The following ARHGEF4 variants were observed in gnomAD, a reference collection of about 807,000 sequenced individuals.
ARHGEF4 encodes the protein APC-stimulated guanine nucleotide exchange factor 1.
Under a neutral mutation model 162.0 loss-of-function variants are expected in ARHGEF4, and 119 were observed. That is an observed-to-expected ratio of 0.73 (90% CI 0.63 to 0.86). The LOEUF (loss-of-function observed/expected upper bound fraction) is 0.86, where lower values mean the gene tolerates loss of function less well. Among genes scored for constraint, ARHGEF4 ranks in the 40% least tolerant of loss-of-function variants. The pLI, the probability that ARHGEF4 is intolerant of heterozygous loss-of-function variation, is 0.00. For synonymous variants in ARHGEF4, 1,014 were observed against 979.9 expected (o/e 1.03, Z -0.65); for missense variants, 2,488 against 2,456.0 (o/e 1.01, Z -0.28).
chr2:130,983,901 G>A (rs1024787212), intron 4 of ARHGEF4, among the ~76,000 whole-genome samples: 4 of 152,040 alleles, frequency 2.6e-5, no homozygotes, highest in Non-Finnish European at 5.9e-5. Flanking sequence ...TGCCCGCTTC[G>A]GCCTCCCAAA....
rs1387415421 is a variant in ARHGEF4 at position 131,035,605 on chromosome 2, G to T, written c.4126-3248G>T. On this transcript the variant is annotated intron_variant, in intron 5 of 13. Transcript: ENST00000409359. Reference sequence around the variant, plus strand: ...AACGGAGTGCATGTGACCGCTGGGTGAGCGACCCGCGCTTGCATCTGTGTA... The same window carrying T: ...AACGGAGTGCATGTGACCGCTGGGTTAGCGACCCGCGCTTGCATCTGTGTA... The T allele has an allele frequency of 1.4e-5, 14 of 968,756 alleles. No homozygotes were observed. The African/African-American group carries it at 2.4e-4, about 17-fold the overall frequency. The allele number at this position is 968,756 out of a possible 1,614,324, so 60.0% of individuals were successfully genotyped here.
intron 1 of ARHGEF4, among the ~76,000 whole-genome samples, chr2:130,908,662 C>T (rs142993135): frequency 4.9e-4 from 74 of 151,700 alleles, no homozygotes; most frequent in Middle Eastern, 3.4e-3. Flanking sequence ...GGCGACAGTG[C>T]GAGCTCCATC....
chr2:130,963,739 G>A (rs1477436226), intron 4 of ARHGEF4: 2 of 146,898 alleles, frequency 1.4e-5, no homozygotes, highest in African/African-American at 2.4e-5. Context: ...CCGGGCGGCC[G>A]GTAGTGGGCA....
Position 130,974,757 on chromosome 2 carries a change from C to T in ARHGEF4, c.3985+28122C>T, listed in dbSNP as rs375396184. Reference sequence around the variant, plus strand: ...GATTACAAGTGTGAGCTACTGCACCCGGCAACTTTTTTGAGTAAGAAATTT... The same window carrying T: ...GATTACAAGTGTGAGCTACTGCACCTGGCAACTTTTTTGAGTAAGAAATTT... On this transcript the variant is annotated intron_variant, in intron 4 of 13. Transcript: ENST00000409359. Among the ~76,000 whole-genome samples, 145 of 152,154 alleles carry T rather than the reference C, an allele frequency of 9.5e-4. 1 individual carries two copies. Among genetic ancestry groups the T allele is most frequent in the African/African-American group, 3.1e-3 (130 of 41,496 alleles).
At chr2:131,027,901 T>G (rs1689583146) in intron 4 of ARHGEF4, 44 bp from the exon 5 acceptor site, 1 of 1,610,198 alleles carries the variant, frequency 6.2e-7, no homozygotes, top group Non-Finnish European at 8.5e-7. Flanking sequence ...CCTCAGCCCT[T>G]CCCAGCCCAG....
At chr2:131,023,601 C>T (rs1689286847) in intron 4 of ARHGEF4, among the ~76,000 whole-genome samples, 1 of 152,114 alleles carries the variant, frequency 6.6e-6, no homozygotes, top group Non-Finnish European at 1.5e-5. Flanking sequence ...AAAATAGTGA[C>T]AATACCAAAT....
chr2:130,882,514 G>A (rs904411776), intron 1 of ARHGEF4, among the ~76,000 whole-genome samples: 1 of 151,854 alleles, frequency 6.6e-6, no homozygotes, highest in African/African-American at 2.4e-5. Context: ...ACTCATGAGG[G>A]CGACACCCTC....
intron 2 of ARHGEF4, among the ~76,000 whole-genome samples, chr2:130,927,771 C>T (rs1030606487): frequency 2.0e-5 from 3 of 152,180 alleles, no homozygotes; most frequent in Non-Finnish European, 4.4e-5. Flanking sequence ...AGCTGGTCTA[C>T]TTTCTTCTCG....
intron 1 of ARHGEF4, among the ~76,000 whole-genome samples, chr2:130,848,396 G>A (rs982832868): frequency 1.3e-5 from 2 of 152,234 alleles, no homozygotes; most frequent in African/African-American, 4.8e-5. Flanking sequence ...TGCCAGGGAG[G>A]TCAGGCCATG....
chr2:130,850,729 C>G (rs767089268), intron 1 of ARHGEF4, among the ~76,000 whole-genome samples: 2 of 152,216 alleles, frequency 1.3e-5, no homozygotes, highest in Non-Finnish European at 2.9e-5. Context: ...GGGCCTCCCT[C>G]GGTAGACAGG....
chr2:131,023,276 C>T (rs12691865), intron 4 of ARHGEF4, among the ~76,000 whole-genome samples: 147,855 of 151,910 alleles, frequency 0.97, 72,024 homozygotes, highest in East Asian at 0.99. Context: ...GAAAGTTTTT[C>T]CAGAAAATTA....
intron 4 of ARHGEF4, among the ~76,000 whole-genome samples, chr2:130,966,388 G>A (rs1685005210): frequency 6.6e-6 from 1 of 152,182 alleles, no homozygotes; most frequent in South Asian, 2.1e-4. Flanking sequence ...GCGGAAACAG[G>A]CACTCAAATA....
At chr2:130,958,462 T>A (rs887816128) in intron 4 of ARHGEF4, among the ~76,000 whole-genome samples, 4 of 149,928 alleles carry the variant, frequency 2.7e-5, no homozygotes, top group Non-Finnish European at 5.9e-5. Flanking sequence ...CAGGCTGGAG[T>A]GTAGTGGCAC....
intron 5 of ARHGEF4, among the ~76,000 whole-genome samples, chr2:131,036,889 C>T (rs1690328403): frequency 6.6e-6 from 1 of 152,198 alleles, no homozygotes; most frequent in Non-Finnish European, 1.5e-5. Flanking sequence ...TTCCCTGGAG[C>T]CTCATTCTTC....
At chr2:131,028,179 G>A (rs979999992) in intron 5 of ARHGEF4, 95 bp downstream of exon 5, 55 of 1,487,824 alleles carry the variant, frequency 3.7e-5, no homozygotes, top group African/African-American at 5.5e-5. Context: ...CACAGTCCAC[G>A]TTCCATGTGG....
intron 1 of ARHGEF4, among the ~76,000 whole-genome samples, chr2:130,890,807 A>G (rs1161025201): frequency 1.3e-5 from 2 of 152,078 alleles, no homozygotes; most frequent in Admixed American, 6.6e-5. Context: ...TAAACATAGT[A>G]AACATACTTG....
At chr2:130,912,909 G>A (rs1426173304) in intron 1 of ARHGEF4, among the ~76,000 whole-genome samples, 1 of 152,138 alleles carries the variant, frequency 6.6e-6, no homozygotes, top group East Asian at 1.9e-4. Flanking sequence ...TTGAGAGAGA[G>A]AGAGACCACT....
At chr2:131,004,080 G>A (rs564557870) in intron 4 of ARHGEF4, among the ~76,000 whole-genome samples, 1 of 152,308 alleles carries the variant, frequency 6.6e-6, no homozygotes, top group South Asian at 2.1e-4. Context: ...GGAAAGATAA[G>A]AAAGGGAGGA....
At position 130,913,520 on chromosome 2, in the gene ARHGEF4, G is replaced by T. The variant is rs575665516; in HGVS notation, c.40-466G>T. Among the ~76,000 whole-genome samples the T allele has an allele frequency of 1.1e-4, 17 of 151,640 alleles. No individual in the cohort carries two copies. The South Asian group carries it at 2.1e-3, about 19-fold the overall frequency. ...GCTGTACTTTTTGTGTTTTTTTGTT[G>T]TTGTTGTTGTTGTTTTGCTCTAGCA... On this transcript the variant is annotated intron_variant, in intron 1 of 13. Transcript: ENST00000409359.
Sources: allele counts gnomAD v4.1 joint callset (sites outside exome capture counted in the v4.1 genomes callset), GRCh38; gene constraint gnomAD v4.1.1; transcripts MANE v1.5; gene names NCBI Gene and HGNC (gene_info 2026-07-23, HGNC 2026-07-21).